The following CLIC4 variants were observed in gnomAD, a reference collection of about 807,000 sequenced individuals.
CLIC4 encodes chloride intracellular channel protein 4.
CLIC4 carries 13 observed loss-of-function variants against 24.6 expected under a neutral mutation model. The ratio of observed to expected loss-of-function variants is 0.53; its 90% confidence interval spans 0.34 to 0.84. The LOEUF (loss-of-function observed/expected upper bound fraction) is 0.84, where lower values mean the gene tolerates loss of function less well. Among genes scored for constraint, CLIC4 ranks in the 40% least tolerant of loss-of-function variants. The probability of loss-of-function intolerance (pLI) is 0.01; values close to 1 mark genes in which losing one functional copy is unlikely to be tolerated. For missense variants in CLIC4, 227 were observed against 301.7 expected (o/e 0.75, Z 1.83); for synonymous variants, 104 against 111.3 (o/e 0.93, Z 0.41).
At chr1:24,758,527 G>A (rs1054285280) in intron 1 of CLIC4, among the ~76,000 whole-genome samples, 33 of 151,620 alleles carry the variant, frequency 2.2e-4, no homozygotes, top group African/African-American at 6.8e-4. Context: ...GTGCGATCTC[G>A]GCTCACTGCA....
intron 1 of CLIC4, among the ~76,000 whole-genome samples, chr1:24,751,938 G>C (rs925791395): frequency 2.0e-5 from 3 of 152,106 alleles, no homozygotes; most frequent in African/African-American, 4.8e-5. Flanking sequence ...ATTTAAACTT[G>C]TTGTTGTGCC....
intron 3 of CLIC4, among the ~76,000 whole-genome samples, chr1:24,814,766 A>G (rs1006916297): frequency 6.6e-6 from 1 of 152,222 alleles, no homozygotes; most frequent in African/African-American, 2.4e-5. Flanking sequence ...AATGATAGTT[A>G]CCTAAATTGC....
Position 24,745,461 on chromosome 1 carries a change from C to G in CLIC4, c.-93C>G, listed in dbSNP as rs1301701898. 8.4e-7 allele frequency: 1 copy of G among 1,197,012 alleles called. No homozygotes were observed. The highest frequency in any genetic ancestry group is 1.6e-5 in the African/African-American group (1 of 63,646). 74.1% of individuals were successfully genotyped at this position (1,197,012 alleles called of 1,614,324 possible). Reference sequence around the variant, plus strand: ...CGACGCCGGACAGTCCAGCGAGCAGCACGGCGGGAACCGGCAGCCGGAGCA... The same window carrying G: ...CGACGCCGGACAGTCCAGCGAGCAGGACGGCGGGAACCGGCAGCCGGAGCA... On this transcript the variant is annotated 5_prime_UTR_variant, in exon 1 of 6. Coordinates refer to ENST00000374379, the MANE Select transcript of CLIC4 (RefSeq NM_013943.3).
chr1:24,786,598 C>T lies in CLIC4; in HGVS notation c.73-11144C>T, dbSNP rs921343747. ...TATTTAAGTTTTCTCTTTAATCATT[C>T]GAGTTTAAAAAAATTATTTTTATTT... On this transcript the variant is annotated intron_variant, in intron 1 of 5. Transcript: ENST00000374379. Among the ~76,000 whole-genome samples the T allele has an allele frequency of 2.0e-5, 3 of 152,036 alleles. No homozygotes were observed. In the South Asian group the frequency reaches 6.2e-4, roughly 32 times the overall value.
intron 1 of CLIC4, among the ~76,000 whole-genome samples, chr1:24,792,244 G>A (rs1425956347): frequency 6.6e-6 from 1 of 151,884 alleles, no homozygotes; most frequent in Non-Finnish European, 1.5e-5. Context: ...AGGCTGGAAT[G>A]TAGTGCTATA....
In CLIC4 at chr1:24,839,914, C is replaced by G. The variant is rs746069605; in HGVS notation, c.470C>G (p.Ser157Cys). ...TLQKLDEYLN[S>C]PLPDEIDENS... ...CAGAAACTGGATGAATATCTGAATTCTCCTCTCCCTGATGAAATTGATGAA... is the reference window on the plus strand; with the variant it reads ...CAGAAACTGGATGAATATCTGAATTGTCCTCTCCCTGATGAAATTGATGAA... The change falls in exon 5 of 6, where the codon TCT (serine) becomes TGT (cysteine). Residue 157 changes from serine (S) to cysteine (C), a missense_variant. Ser to Cys is a moderately radical substitution (Grantham distance 112). Coordinates refer to ENST00000374379, the MANE Select transcript of CLIC4 (RefSeq NM_013943.3). The G allele has an allele frequency of 7.4e-6, 12 of 1,612,776 alleles. No individual in the cohort carries two copies. Among genetic ancestry groups the G allele is most frequent in the East Asian group, 2.2e-5 (1 of 44,866 alleles).
intron 2 of CLIC4, among the ~76,000 whole-genome samples, chr1:24,799,520 C>T (rs1200594320): frequency 2.0e-5 from 3 of 150,760 alleles, no homozygotes; most frequent in East Asian, 4.0e-4. Flanking sequence ...AAGTGAGGAG[C>T]GTCTCCGCCC....
intron 1 of CLIC4, among the ~76,000 whole-genome samples, chr1:24,792,283 T>A (rs1639350049): frequency 1.3e-5 from 2 of 152,114 alleles, no homozygotes; most frequent in African/African-American, 4.8e-5. Flanking sequence ...CTTGAACTCC[T>A]GGGCTCCAGT....
intron 2 of CLIC4, among the ~76,000 whole-genome samples, chr1:24,813,200 C>T (rs982611422): frequency 6.6e-6 from 1 of 151,452 alleles, no homozygotes; most frequent in Admixed American, 6.6e-5. Flanking sequence ...CATGCCACCA[C>T]GCCCAATTAA....
intron 1 of CLIC4, among the ~76,000 whole-genome samples, chr1:24,761,942 C>A (rs1379369880): frequency 2.0e-5 from 3 of 152,070 alleles, no homozygotes; most frequent in Non-Finnish European, 4.4e-5. Flanking sequence ...GAGGAGCAGA[C>A]AGAGTTCAAG....
intron 2 of CLIC4, among the ~76,000 whole-genome samples, chr1:24,800,752 G>A (rs867250072): frequency 2.0e-5 from 3 of 152,182 alleles, no homozygotes; most frequent in African/African-American, 7.2e-5. Flanking sequence ...GATCTTGTTG[G>A]TCTGTGACCT....
chr1:24,805,322 G>A (rs1639539209), intron 2 of CLIC4, among the ~76,000 whole-genome samples: 1 of 152,070 alleles, frequency 6.6e-6, no homozygotes, highest in African/African-American at 2.4e-5. Flanking sequence ...TGTGTGTTTT[G>A]TTGAGTCCAT....
intron 2 of CLIC4, among the ~76,000 whole-genome samples, chr1:24,810,887 G>C (rs1363364754): frequency 6.6e-6 from 1 of 151,788 alleles, no homozygotes; most frequent in Non-Finnish European, 1.5e-5. Flanking sequence ...AGACCATCCT[G>C]ACTAACATGG....
chr1:24,792,348 A>C (rs1215154157), intron 1 of CLIC4, among the ~76,000 whole-genome samples: 2 of 151,890 alleles, frequency 1.3e-5, no homozygotes, highest in African/African-American at 4.8e-5. Context: ...GTGCCACCAC[A>C]CTGGCTAATT....
chr1:24,767,981 C>T (rs1485839204), intron 1 of CLIC4, among the ~76,000 whole-genome samples: 1 of 152,050 alleles, frequency 6.6e-6, no homozygotes, highest in Admixed American at 6.5e-5. Flanking sequence ...GCTGGGATTA[C>T]AGGCGCTTGC....
intron 1 of CLIC4, among the ~76,000 whole-genome samples, chr1:24,778,458 A>G (rs1318880471): frequency 2.6e-5 from 4 of 152,222 alleles, no homozygotes; most frequent in Admixed American, 2.6e-4. Flanking sequence ...GATTTATTGT[A>G]GTTGATACTT....
chr1:24,750,176 C>G (rs1036250283), intron 1 of CLIC4, among the ~76,000 whole-genome samples: 1 of 152,080 alleles, frequency 6.6e-6, no homozygotes, highest in Non-Finnish European at 1.5e-5. Context: ...CCCAGGAGTT[C>G]GAGGCTGCAG....
chr1:24,804,438 GT>G, intron 2 of CLIC4, among the ~76,000 whole-genome samples: 1 of 107,868 alleles, frequency 9.3e-6, no homozygotes, highest in South Asian at 3.8e-4. Context: ...GTGGGGGTGT[GT>G]GTGTATGTGT....
intron 1 of CLIC4, among the ~76,000 whole-genome samples, chr1:24,758,176 G>A (rs535311690): frequency 2.0e-5 from 3 of 152,152 alleles, no homozygotes; most frequent in East Asian, 3.9e-4. Context: ...TTAAAAAAGT[G>A]TCTTTTTTCC....
Sources: allele counts gnomAD v4.1 joint callset (sites outside exome capture counted in the v4.1 genomes callset), GRCh38; gene constraint gnomAD v4.1.1; transcripts MANE v1.5; gene names NCBI Gene and HGNC (gene_info 2026-07-23, HGNC 2026-07-21).